The following SMCO4 variants were observed in gnomAD, a reference collection of about 807,000 sequenced individuals.
SMCO4 encodes single-pass membrane and coiled-coil domain-containing protein 4.
SMCO4 carries 4 observed loss-of-function variants against 3.6 expected under a neutral mutation model. The observed-to-expected ratio is 1.11, with a 90% CI of 0.54 to 2.53. The LOEUF (loss-of-function observed/expected upper bound fraction) is 2.53. Among genes scored for constraint, SMCO4 ranks in the 30% most tolerant of loss-of-function variants. SMCO4 has a pLI of 0.02. For missense variants in SMCO4, 70 were observed against 80.8 expected (o/e 0.87, Z 0.51); for synonymous variants, 36 against 35.3 (o/e 1.02, Z -0.07).
chr11:93,502,481 G>C (rs1487887219), intron 1 of SMCO4, among the ~76,000 whole-genome samples: 2 of 152,130 alleles, frequency 1.3e-5, no homozygotes, highest in Middle Eastern at 3.2e-3. Flanking sequence ...CAAAATGTAG[G>C]GTCCCTATGC....
chr11:93,497,470 T>A (rs983977875), intron 2 of SMCO4, among the ~76,000 whole-genome samples: 1 of 152,178 alleles, frequency 6.6e-6, no homozygotes, highest in African/African-American at 2.4e-5. Context: ...GACTGGAAGG[T>A]CTCAGGAGGA....
At chr11:93,488,787 G>T (rs1020264708) in intron 2 of SMCO4, among the ~76,000 whole-genome samples, 2 of 152,182 alleles carry the variant, frequency 1.3e-5, no homozygotes, top group African/African-American at 4.8e-5. Context: ...TTAAAGCTGG[G>T]AAGTGGAGTG....
intron 1 of SMCO4, among the ~76,000 whole-genome samples, chr11:93,517,486 G>A (rs1949018255): frequency 6.6e-6 from 1 of 152,136 alleles, no homozygotes; most frequent in Admixed American, 6.5e-5. Flanking sequence ...GAAATTTAGA[G>A]AACAAGATTT....
At chr11:93,497,741 G>A (rs138544083) in intron 2 of SMCO4, among the ~76,000 whole-genome samples, 1 of 152,194 alleles carries the variant, frequency 6.6e-6, no homozygotes, top group African/African-American at 2.4e-5. Flanking sequence ...CTTTGAAAAT[G>A]AGAAGTTACC....
chr11:93,514,422 A>ATACAC (rs1948990819), intron 1 of SMCO4, among the ~76,000 whole-genome samples: 1 of 103,898 alleles, frequency 9.6e-6, no homozygotes, highest in Non-Finnish European at 2.0e-5. Context: ...ATATATATAT[A>ATACAC]AAATTTGGTC....
At chr11:93,502,662 T>C (rs1948853288) in intron 1 of SMCO4, among the ~76,000 whole-genome samples, 1 of 152,194 alleles carries the variant, frequency 6.6e-6, no homozygotes, top group African/African-American at 2.4e-5. Flanking sequence ...TACACACCCT[T>C]TGACTTTGTA....
chr11:93,490,440 A>T (rs929347270), intron 2 of SMCO4, among the ~76,000 whole-genome samples: 1 of 152,230 alleles, frequency 6.6e-6, no homozygotes, highest in Non-Finnish European at 1.5e-5. Context: ...ACGGCAGCAC[A>T]TGCAACACAA....
At chr11:93,548,882 C>T in the SMCO4 span, among the ~76,000 whole-genome samples, 1 of 152,172 alleles carries the variant, frequency 6.6e-6, no homozygotes, top group Admixed American at 6.5e-5. Context: ...AGGTTTCCCA[C>T]TGGTTACTTG....
chr11:93,479,113 G>C lies in SMCO4; in HGVS notation c.77C>G (p.Ala26Gly). The change falls in exon 3 of 3, where the codon GCC (alanine) becomes GGC (glycine). Residue 26 changes from alanine (A) to glycine (G), a missense_variant. By Grantham distance (60) the Ala-to-Gly change is moderately conservative. Coordinates refer to ENST00000298966, the MANE Select transcript of SMCO4 (RefSeq NM_020179.3). ...CACCACTGTAGTGATCTGCTGCCGG[G>C]CCTCCTGCATGGCTTGCTTCCGCTC... ...KKERKQAMQE[A>G]RQQITTVVLP... 6.2e-7 allele frequency: 1 copy of C among 1,614,080 alleles called. No homozygotes were observed. The highest frequency in any genetic ancestry group is 8.5e-7 in the Non-Finnish European group (1 of 1,180,048).
intron 1 of SMCO4, among the ~76,000 whole-genome samples, chr11:93,527,395 CA>C (rs1301832501): frequency 6.7e-6 from 1 of 150,296 alleles, no homozygotes; most frequent in African/African-American, 2.4e-5. Context: ...TAAGGGGTTC[CA>C]AAAAAAAATC....
intron 1 of SMCO4, among the ~76,000 whole-genome samples, chr11:93,506,440 CTTTT>C (rs35870051): frequency 6.4e-5 from 9 of 139,774 alleles, no homozygotes; most frequent in Non-Finnish European, 1.2e-4. Flanking sequence ...ACACACACAG[CTTTT>C]TTTTTTTTTT....
intron 2 of SMCO4, among the ~76,000 whole-genome samples, chr11:93,497,734 T>C (rs1396188900): frequency 1.3e-5 from 2 of 152,214 alleles, no homozygotes; most frequent in Non-Finnish European, 2.9e-5. Context: ...TTCCCAACTT[T>C]GAAAATGAGA....
chr11:93,494,445 T>C (rs976427551), intron 2 of SMCO4, among the ~76,000 whole-genome samples: 8 of 152,194 alleles, frequency 5.3e-5, no homozygotes, highest in African/African-American at 1.4e-4. Flanking sequence ...AACTTTAAGT[T>C]GCTGTCACAA....
intron 1 of SMCO4, among the ~76,000 whole-genome samples, chr11:93,514,413 T>TATAC (rs1555077562): frequency 8.8e-5 from 3 of 33,964 alleles, no homozygotes; most frequent in Admixed American, 2.5e-4. Flanking sequence ...TATATATATA[T>TATAC]ATATATATAA....
At chr11:93,488,712 T>C (rs1948679407) in intron 2 of SMCO4, among the ~76,000 whole-genome samples, 1 of 152,110 alleles carries the variant, frequency 6.6e-6, no homozygotes, top group African/African-American at 2.4e-5. Flanking sequence ...AAAAGGCAGC[T>C]GGAGGCATGC....
At chr11:93,499,058 T>C (rs1382938750) in intron 2 of SMCO4, among the ~76,000 whole-genome samples, 4 of 152,052 alleles carry the variant, frequency 2.6e-5, no homozygotes, top group South Asian at 2.1e-4. Flanking sequence ...GAAAGTGTCG[T>C]GGGGGTTCAA....
At chr11:93,526,097 A>G (rs1362260387) in intron 1 of SMCO4, among the ~76,000 whole-genome samples, 1 of 152,156 alleles carries the variant, frequency 6.6e-6, no homozygotes, top group East Asian at 1.9e-4. Flanking sequence ...TGGTTTGAGT[A>G]TACATATCTT....
chr11:93,487,660 C>T (rs562676465), intron 2 of SMCO4, among the ~76,000 whole-genome samples: 2 of 152,302 alleles, frequency 1.3e-5, no homozygotes, highest in African/African-American at 2.4e-5. Flanking sequence ...AGATAAGTCA[C>T]ATTTTTTTGG....
At chr11:93,540,974 T>C (rs1305277138) in intron 1 of SMCO4, among the ~76,000 whole-genome samples, 2 of 152,230 alleles carry the variant, frequency 1.3e-5, no homozygotes, top group Non-Finnish European at 2.9e-5. Flanking sequence ...AACCACTAAC[T>C]GCAGCTTCCA....
Sources: gnomAD v4.1 joint callset for allele counts (sites outside exome capture counted in the v4.1 genomes callset) on GRCh38, gnomAD v4.1.1 for gene constraint, MANE v1.5 for transcripts, NCBI Gene and HGNC (gene_info 2026-07-23, HGNC 2026-07-21) for gene names.